The following MALRD1 variants were observed in gnomAD, a reference collection of about 807,000 sequenced individuals.
MALRD1 encodes MAM and LDL receptor class A domain containing 1.
Under a neutral mutation model 242.1 loss-of-function variants are expected in MALRD1, and 247 were observed. The observed-to-expected ratio is 1.02, with a 90% confidence interval of 0.92 to 1.13. The LOEUF is 1.13. Among genes scored for constraint, MALRD1 ranks in the 50% most tolerant of loss-of-function variants. MALRD1 has a pLI of 0.00. For missense variants in MALRD1, 2,989 were observed against 2,533.1 expected, an observed-to-expected ratio of 1.18 and a Z score of -3.86; for synonymous variants, 995 against 866.6, an observed-to-expected ratio of 1.15 and a Z score of -2.60.
intron 19 of MALRD1, among the ~76,000 whole-genome samples, chr10:19,276,793 GAT>G (rs1840547697): frequency 6.6e-6 from 1 of 152,098 alleles, no homozygotes; most frequent in Non-Finnish European, 1.5e-5. Flanking sequence ...CTGGATGTGA[GAT>G]AAAGTTTCCA....
chr10:19,602,823 G>C (rs991069265), intron 34 of MALRD1, among the ~76,000 whole-genome samples: 5 of 152,246 alleles, frequency 3.3e-5, no homozygotes, highest in Admixed American at 6.5e-5. Flanking sequence ...CAGTGTAAAA[G>C]TGTTCCTATT....
intron 1 of MALRD1, among the ~76,000 whole-genome samples, chr10:19,050,592 A>G (rs1834463867): frequency 6.6e-6 from 1 of 152,070 alleles, no homozygotes; most frequent in African/African-American, 2.4e-5. Flanking sequence ...TTTTTCTCTT[A>G]GTTTGGGATG....
At chr10:19,245,505 T>G (rs1839004622) in intron 18 of MALRD1, among the ~76,000 whole-genome samples, 1 of 152,214 alleles carries the variant, frequency 6.6e-6, no homozygotes, top group Non-Finnish European at 1.5e-5. Flanking sequence ...TTCATTCTTA[T>G]CTCAGTTACC....
At chr10:19,555,018 A>G (rs1835652694) in intron 32 of MALRD1, among the ~76,000 whole-genome samples, 1 of 152,140 alleles carries the variant, frequency 6.6e-6, no homozygotes. Context: ...CCAACAGTGT[A>G]AAAGCATTCC....
chr10:19,098,425 C>A (rs540365085), intron 4 of MALRD1, among the ~76,000 whole-genome samples: 1 of 152,214 alleles, frequency 6.6e-6, no homozygotes, highest in South Asian at 2.1e-4. Flanking sequence ...AAAAGATGAG[C>A]TTTGCATTAA....
chr10:19,183,115 G>GTT (rs71387051), intron 14 of MALRD1, among the ~76,000 whole-genome samples: 16,776 of 137,002 alleles, frequency 0.12, 1,110 homozygotes, highest in Middle Eastern at 0.18. Flanking sequence ...TATTTTGAGG[G>GTT]TTTTTTTTTT....
chr10:19,680,059 T>A (rs910411478), intron 36 of MALRD1, among the ~76,000 whole-genome samples: 1 of 152,176 alleles, frequency 6.6e-6, no homozygotes, highest in Non-Finnish European at 1.5e-5. Context: ...TACTTCCAAT[T>A]ATGTGATCAA....
Position 19,331,571 on chromosome 10 carries a change from C to T in MALRD1, c.3890C>T (p.Thr1297Ile). ...TGTGCTGATAATTCAGATGAGACTA[C>T]TTTCATTTGCCGTAAGTAAAAGGGT... is the stretch of plus-strand genomic sequence containing the variant. ...NDCADNSDET[T>I]FICRTSSGRC... Residue 1297 changes from threonine (T) to isoleucine (I), a missense_variant, in exon 24 of 40, where the codon ACT (threonine) becomes ATT (isoleucine). Physicochemically the swap from Thr to Ile is moderately conservative, Grantham distance 89. Transcript: ENST00000454679. 6.5e-7 allele frequency: 1 copy of T among 1,550,056 alleles called. No individual in the cohort carries two copies. Among genetic ancestry groups the T allele is most frequent in the Non-Finnish European group, 8.7e-7 (1 of 1,146,638 alleles).
rs12267009 is a variant in MALRD1, at chr10:19,148,154, A to G, written c.1558+1810A>G. On this transcript the variant is annotated intron_variant, in intron 11 of 39. Transcript: ENST00000454679. ...GGTGAAAGGCTGGAGTCAAAAAAACATGGATGTGCTGAAGAAATATCAGTG... is the reference window on the plus strand; with the variant it reads ...GGTGAAAGGCTGGAGTCAAAAAAACGTGGATGTGCTGAAGAAATATCAGTG... 8.3e-3 allele frequency among the ~76,000 whole-genome samples: 1,266 copies of G among 152,268 alleles called. 19 individuals carry two copies. Among genetic ancestry groups the G allele is most frequent in the African/African-American group, 0.029 (1,198 of 41,562 alleles).
intron 28 of MALRD1, among the ~76,000 whole-genome samples, chr10:19,396,824 A>T (rs1846604971): frequency 6.6e-6 from 1 of 152,192 alleles, no homozygotes; most frequent in Admixed American, 6.6e-5. Context: ...CATCAACTTC[A>T]GCAGTTTTGT....
At chr10:19,510,507 G>GTGGTGA (rs1389725023) in intron 31 of MALRD1, among the ~76,000 whole-genome samples, 6 of 152,358 alleles carry the variant, frequency 3.9e-5, no homozygotes, top group African/African-American at 1.4e-4. Context: ...AGAGTAGGGA[G>GTGGTGA]TGGTGATGAC....
chr10:19,371,541 A>C (rs573136556), intron 26 of MALRD1, among the ~76,000 whole-genome samples: 1 of 151,980 alleles, frequency 6.6e-6, no homozygotes, highest in Non-Finnish European at 1.5e-5. Flanking sequence ...TGGGTATTAC[A>C]CTAACCAATT....
intron 12 of MALRD1, among the ~76,000 whole-genome samples, chr10:19,161,960 G>A (rs985996192): frequency 2.0e-5 from 3 of 152,098 alleles, no homozygotes; most frequent in Admixed American, 1.3e-4. Context: ...CCCAGGAAGT[G>A]GAGGCTGCAG....
intron 32 of MALRD1, among the ~76,000 whole-genome samples, chr10:19,562,068 T>G (rs1589241837): frequency 6.6e-6 from 1 of 152,054 alleles, no homozygotes; most frequent in African/African-American, 2.4e-5. Context: ...CAGGCCAAGG[T>G]GGGTGGATCA....
chr10:19,508,925 G>C (rs1833270760), intron 31 of MALRD1, among the ~76,000 whole-genome samples: 1 of 152,120 alleles, frequency 6.6e-6, no homozygotes, highest in Non-Finnish European at 1.5e-5. Context: ...CTTTGAAGAT[G>C]AGTAGTCTTT....
rs953416065 is a variant in MALRD1 at position 19,283,057 on chromosome 10, A to G, written c.3295A>G (p.Lys1099Glu). ...VCSFEKRSLC[K>E]WYQPIPVHLL... Reference sequence around the variant, plus strand: ...CAGCTTTGAGAAAAGAAGCCTGTGTAAATGGTATCAACCAATCCCAGTACA... The same window carrying G: ...CAGCTTTGAGAAAAGAAGCCTGTGTGAATGGTATCAACCAATCCCAGTACA... Residue 1099 changes from lysine (K) to glutamate (E), a missense_variant, in exon 21 of 40, where the codon AAA becomes GAA. Transcript: ENST00000454679. 12 of 1,549,408 alleles carry G rather than the reference A, an allele frequency of 7.7e-6. No homozygotes were observed. The African/African-American group carries it at 1.6e-4, about 21-fold the overall frequency.
intron 18 of MALRD1, among the ~76,000 whole-genome samples, chr10:19,234,520 C>T (rs764975555): frequency 6.6e-6 from 1 of 151,794 alleles, no homozygotes; most frequent in African/African-American, 2.4e-5. Flanking sequence ...TATCGATTTA[C>T]CAATAACAAT....
At chr10:19,208,473 A>G (rs1482794905) in intron 17 of MALRD1, among the ~76,000 whole-genome samples, 1 of 152,168 alleles carries the variant, frequency 6.6e-6, no homozygotes, top group Non-Finnish European at 1.5e-5. Context: ...AGCATACATG[A>G]AAGAATCTGG....
intron 38 of MALRD1, among the ~76,000 whole-genome samples, chr10:19,705,521 G>T (rs933775517): frequency 1.3e-5 from 2 of 152,096 alleles, no homozygotes; most frequent in Non-Finnish European, 2.9e-5. Context: ...CCAGTCCCTT[G>T]TGCATGTATT....
Sources: allele counts gnomAD v4.1 joint callset (sites outside exome capture counted in the v4.1 genomes callset), GRCh38; gene constraint gnomAD v4.1.1; transcripts MANE v1.5; gene names NCBI Gene and HGNC (gene_info 2026-07-23, HGNC 2026-07-21).